Variants in DYM observed in about 807,000 individuals in gnomAD.
DYM encodes the protein dymeclin.
DYM carries 78 observed loss-of-function variants against 93.1 expected under a neutral mutation model. That is an observed-to-expected ratio of 0.84 (90% CI 0.70 to 1.01). The LOEUF is 1.01. Ranked by LOEUF, DYM falls within the 50% of genes least tolerant of loss-of-function variation. The pLI, the probability that DYM is intolerant of heterozygous loss-of-function variation, is 0.00. For missense variants in DYM, 789 were observed against 845.0 expected (o/e 0.93, Z 0.82); for synonymous variants, 321 against 319.7 (o/e 1.00, Z -0.04).
At chr18:49,306,912 T>C (rs2146282326) in intron 8 of DYM, among the ~76,000 whole-genome samples, 1 of 152,310 alleles carries the variant, frequency 6.6e-6, no homozygotes, top group African/African-American at 2.4e-5. Context: ...CGAAAATATC[T>C]GGAGACTGAG....
At chr18:49,380,680 C>A (rs909969340) in intron 3 of DYM, among the ~76,000 whole-genome samples, 7 of 152,176 alleles carry the variant, frequency 4.6e-5, no homozygotes, top group African/African-American at 1.7e-4. Context: ...GGCTGCACAG[C>A]AAGTCACAGA....
At chr18:49,121,641 C>G (rs368368115) in intron 15 of DYM, among the ~76,000 whole-genome samples, 3 of 152,018 alleles carry the variant, frequency 2.0e-5, no homozygotes, top group African/African-American at 7.2e-5. Flanking sequence ...AAGACCAAGA[C>G]AAAGAGAAAA....
intron 15 of DYM, among the ~76,000 whole-genome samples, chr18:49,123,322 C>T (rs1052622198): frequency 2.0e-5 from 3 of 152,102 alleles, no homozygotes; most frequent in Non-Finnish European, 2.9e-5. Context: ...ATTGGTGCCT[C>T]GGTGCTCCTG....
At chr18:49,433,633 C>T (rs932150607) in intron 1 of DYM, among the ~76,000 whole-genome samples, 6 of 151,946 alleles carry the variant, frequency 3.9e-5, no homozygotes, top group Non-Finnish European at 5.9e-5. Context: ...TTTGGGAGGC[C>T]GAGGCAGGTG....
chr18:49,194,815 T>C (rs1480531387), intron 14 of DYM, among the ~76,000 whole-genome samples: 1 of 152,214 alleles, frequency 6.6e-6, no homozygotes, highest in African/African-American at 2.4e-5. Context: ...CATTTTGAAT[T>C]AAAAAGTTAA....
At chr18:49,209,903 T>C (rs2092702835) in intron 13 of DYM, among the ~76,000 whole-genome samples, 188 bp from the exon 14 acceptor site, 1 of 149,522 alleles carries the variant, frequency 6.7e-6, no homozygotes, top group South Asian at 2.1e-4. Flanking sequence ...GGGCAAAAGA[T>C]CTAAACAGAC....
chr18:49,377,991 T>G (rs1214136469), intron 5 of DYM, among the ~76,000 whole-genome samples: 1 of 152,198 alleles, frequency 6.6e-6, no homozygotes, highest in Non-Finnish European at 1.5e-5. Context: ...GGGGCAACAC[T>G]GCCTTGCCCT....
rs1050382485 is a variant in DYM at position 49,286,377 on chromosome 18, T to C, written c.946+57A>G. ...CAAAACTATAAGACAATAAACAATA[T>C]AGAACAAGCAATACTCTCCCCATTA... On this transcript the variant is annotated intron_variant, in intron 9 of 17. Transcript: ENST00000675505. 9 of 1,574,714 alleles carry C rather than the reference T, an allele frequency of 5.7e-6. No individual in the cohort carries two copies. In the African/African-American group the frequency reaches 6.8e-5, roughly 12 times the overall value.
intron 10 of DYM, among the ~76,000 whole-genome samples, chr18:49,280,277 G>A (rs1189769556): frequency 6.6e-6 from 1 of 152,170 alleles, no homozygotes; most frequent in East Asian, 1.9e-4. Context: ...ATGTAGTGAT[G>A]GATAGTGTAA....
chr18:49,243,815 T>C (rs2094097099), intron 13 of DYM, among the ~76,000 whole-genome samples: 1 of 152,196 alleles, frequency 6.6e-6, no homozygotes, highest in South Asian at 2.1e-4. Flanking sequence ...AGGTCTCTGA[T>C]TGGCTTATGT....
At chr18:49,161,456 C>T (rs891422880) in intron 15 of DYM, among the ~76,000 whole-genome samples, 1 of 152,194 alleles carries the variant, frequency 6.6e-6, no homozygotes, top group African/African-American at 2.4e-5. Context: ...AGGAATACTA[C>T]ATAAATCAAA....
chr18:49,125,581 C>A (rs1434931997), intron 15 of DYM, among the ~76,000 whole-genome samples: 1 of 152,236 alleles, frequency 6.6e-6, no homozygotes, highest in Non-Finnish European at 1.5e-5. Flanking sequence ...ACGTGCATTA[C>A]TTTATTCAAT....
At chr18:49,344,314 A>G (rs1436960114) in intron 6 of DYM, among the ~76,000 whole-genome samples, 1 of 152,092 alleles carries the variant, frequency 6.6e-6, no homozygotes, top group Admixed American at 6.6e-5. Context: ...AGTCTCTGTG[A>G]TGGCTTCAAC....
intron 15 of DYM, among the ~76,000 whole-genome samples, chr18:49,132,956 A>G (rs552532124): frequency 6.6e-6 from 1 of 152,342 alleles, no homozygotes; most frequent in Non-Finnish European, 1.5e-5. Context: ...AATAATGTAC[A>G]ATAGACACAA....
intron 8 of DYM, among the ~76,000 whole-genome samples, chr18:49,299,088 T>C (rs2060739810): frequency 6.6e-6 from 1 of 152,100 alleles, no homozygotes; most frequent in Non-Finnish European, 1.5e-5. Context: ...ATTCCATATG[T>C]CCCAATGTCA....
intron 8 of DYM, among the ~76,000 whole-genome samples, chr18:49,307,936 T>G (rs549149557): frequency 6.6e-6 from 1 of 152,342 alleles, no homozygotes; most frequent in East Asian, 1.9e-4. Context: ...TTAATAAAAG[T>G]GACAGCTTGG....
chr18:49,205,224 ACTG>A (rs2092409508), intron 14 of DYM, among the ~76,000 whole-genome samples: 1 of 152,176 alleles, frequency 6.6e-6, no homozygotes, highest in Admixed American at 6.5e-5. Context: ...AGCCTCCCAA[ACTG>A]CTAAGATTAC....
At chr18:49,120,078 C>CAAAAAAAAAAAAAAAAAAGAA (rs71165367) in intron 15 of DYM, among the ~76,000 whole-genome samples, 1 of 56,174 alleles carries the variant, frequency 1.8e-5, no homozygotes, top group African/African-American at 5.9e-5. Flanking sequence ...GATCCTGTCT[C>CAAAAAAAAAAAAAAAAAAGAA]AAAAAAAAAA....
At chr18:49,079,522 T>G (rs2077606872) in intron 17 of DYM, among the ~76,000 whole-genome samples, 1 of 152,074 alleles carries the variant, frequency 6.6e-6, no homozygotes, top group Non-Finnish European at 1.5e-5. Flanking sequence ...AACAAAGGTC[T>G]CTGGTTTTCC....
Sources: allele counts gnomAD v4.1 joint callset (sites outside exome capture counted in the v4.1 genomes callset), GRCh38; gene constraint gnomAD v4.1.1; transcripts MANE v1.5; gene names NCBI Gene and HGNC (gene_info 2026-07-23, HGNC 2026-07-21).